Variants in SYNE2 observed in about 807,000 individuals in gnomAD.
The protein encoded by SYNE2 is nesprin-2.
In SYNE2, 431 loss-of-function variants were observed where a neutral mutation model predicts 856.3. That is an observed-to-expected ratio of 0.50 (90% CI 0.47 to 0.55). The LOEUF is 0.55. Ranked by LOEUF, SYNE2 falls within the 20% of genes least tolerant of loss-of-function variation. The pLI is 0.00. For missense variants in SYNE2, 8,129 were observed against 8,023.2 expected (o/e 1.01, Z -0.50); for synonymous variants, 2,923 against 2,872.3 (o/e 1.02, Z -0.56).
intron 1 of SYNE2, among the ~76,000 whole-genome samples, chr14:63,779,173 A>G (rs1887217707): frequency 6.6e-6 from 1 of 151,738 alleles, no homozygotes; most frequent in African/African-American, 2.4e-5. Context: ...TACAAAAAAA[A>G]AAATAGCCTG....
chr14:63,941,963 G>GT lies in SYNE2; in HGVS notation c.315+2dup. Reference sequence around the variant, plus strand: ...CTTGACATTCCTAAGAAACCGATCAGTAAGTATAAATTTTTCTTAAAAATT... The same window carrying GT: ...CTTGACATTCCTAAGAAACCGATCAGTTAAGTATAAATTTTTCTTAAAAATT... On this transcript the variant is annotated splice_donor_variant, in intron 5 of 115. Transcript: ENST00000555002. LOFTEE classifies it high-confidence loss of function. The GT allele has an allele frequency of 6.2e-7, 1 of 1,611,688 alleles. No homozygotes were observed. The highest frequency in any genetic ancestry group is 8.5e-7 in the Non-Finnish European group (1 of 1,178,892).
At chr14:63,914,999 A>G (rs1019609692) in intron 2 of SYNE2, among the ~76,000 whole-genome samples, 1 of 152,166 alleles carries the variant, frequency 6.6e-6, no homozygotes, top group African/African-American at 2.4e-5. Flanking sequence ...GCTTGTCTCA[A>G]AACTCCTGGG....
At chr14:64,047,890 G>A in intron 45 of SYNE2, 110 bp from the exon 46 acceptor site, 1 of 1,198,586 alleles carries the variant, frequency 8.3e-7, no homozygotes, top group Non-Finnish European at 1.2e-6. Flanking sequence ...TACTTTTTAA[G>A]TCTATAATCC....
In SYNE2 at chr14:63,966,381, G is replaced by A. The variant is rs117879951; in HGVS notation, c.991-1328G>A. ...AATACAAAAAAAAAAAAATTAGCTGGACGTGGTGGTGCACTCCTGTAGTGC... is the reference window on the plus strand; with the variant it reads ...AATACAAAAAAAAAAAAATTAGCTGAACGTGGTGGTGCACTCCTGTAGTGC... On this transcript the variant is annotated intron_variant, in intron 10 of 115. Coordinates refer to ENST00000555002, the MANE Select transcript of SYNE2 (RefSeq NM_182914.3). Among the ~76,000 whole-genome samples the A allele has an allele frequency of 1.2e-3, 186 of 151,904 alleles. 2 individuals are homozygous for A. The East Asian group carries it at 0.03, about 25-fold the overall frequency.
At chr14:64,003,719 A>G (rs1446030859) in intron 30 of SYNE2, among the ~76,000 whole-genome samples, 2 of 152,136 alleles carry the variant, frequency 1.3e-5, no homozygotes. Flanking sequence ...GAAGATGCAT[A>G]TGCCACATCT....
At chr14:63,893,040 TAG>T (rs1011210198) in intron 1 of SYNE2, among the ~76,000 whole-genome samples, 1 of 152,142 alleles carries the variant, frequency 6.6e-6, no homozygotes, top group African/African-American at 2.4e-5. Context: ...ACACAGTTAC[TAG>T]AGTTAGACCT....
intron 67 of SYNE2, among the ~76,000 whole-genome samples, chr14:64,120,166 G>GT (rs35522157): frequency 0.013 from 2,001 of 152,202 alleles, 16 homozygotes; most frequent in Non-Finnish European, 0.022. Context: ...CTTATGAGTG[G>GT]TTCCTACTTA....
rs2097236354 is a variant in SYNE2 at position 64,052,685 on chromosome 14, C to T, written c.8772C>T (p.Thr2924=). 6.2e-7 allele frequency: 1 copy of T among 1,613,476 alleles called. No homozygotes were observed. Among genetic ancestry groups the T allele is most frequent in the Admixed American group, 1.7e-5 (1 of 59,904 alleles). Residue 2924 remains threonine, a synonymous_variant, in exon 48 of 116, where the codon ACC becomes ACT. Coordinates refer to ENST00000555002, the MANE Select transcript of SYNE2 (RefSeq NM_182914.3). ...AGTTGAAAAATCTTAAGATTAGGACCAACAGAATACAAAGATTCATTCAGA... is the reference window on the plus strand; with the variant it reads ...AGTTGAAAAATCTTAAGATTAGGACTAACAGAATACAAAGATTCATTCAGA... The part of the protein sequence containing the change: ...EDQLKNLKIR[T]NRIQRFIQNT...
intron 52 of SYNE2, 22 bp from the exon 53 acceptor site, chr14:64,073,946 A>T: frequency 6.2e-7 from 1 of 1,611,754 alleles, no homozygotes; most frequent in South Asian, 1.1e-5. Context: ...AGAAACAATT[A>T]TATTTTGACG....
intron 85 of SYNE2, among the ~76,000 whole-genome samples, chr14:64,154,644 A>T (rs1206054211): frequency 1.3e-5 from 2 of 152,008 alleles, no homozygotes; most frequent in East Asian, 3.9e-4. Flanking sequence ...AATAGAAAAA[A>T]TTAGCTGGGT....
At chr14:63,854,163 C>CT (rs35131482) in intron 1 of SYNE2, among the ~76,000 whole-genome samples, 79,862 of 139,166 alleles carry the variant, frequency 0.57, 23,286 homozygotes, top group South Asian at 0.69. Context: ...CTTGGCATCA[C>CT]TTTTTTTTTT....
At chr14:63,871,419 G>T (rs551577599) in intron 1 of SYNE2, among the ~76,000 whole-genome samples, 1 of 151,884 alleles carries the variant, frequency 6.6e-6, no homozygotes, top group African/African-American at 2.4e-5. Flanking sequence ...TGTTGGTCAG[G>T]CTGGTCTCGA....
chr14:64,108,924 G>A (rs912256701), intron 65 of SYNE2, among the ~76,000 whole-genome samples: 1 of 151,966 alleles, frequency 6.6e-6, no homozygotes, highest in Non-Finnish European at 1.5e-5. Flanking sequence ...ACCCAGGCTG[G>A]AGTGCAGTGG....
At chr14:64,166,999 A>G (rs1319010016) in intron 90 of SYNE2, 15 of 567,448 alleles carry the variant, frequency 2.6e-5, no homozygotes, top group Non-Finnish European at 3.8e-5. Flanking sequence ...ATAACTTTCT[A>G]TTTCCTGGGC....
intron 96 of SYNE2, among the ~76,000 whole-genome samples, chr14:64,185,263 TAAA>T (rs1198546325): frequency 6.6e-6 from 1 of 151,494 alleles, no homozygotes; most frequent in Non-Finnish European, 1.5e-5. Flanking sequence ...CCCTGTCTCT[TAAA>T]AAAAAAATAA....
rs1257764161 is a variant in SYNE2 at position 64,209,592 on chromosome 14, C to T, written c.18540+14C>T. 6.2e-7 allele frequency: 1 copy of T among 1,613,650 alleles called. No homozygotes were observed. The highest frequency in any genetic ancestry group is 2.2e-5 in the East Asian group (1 of 44,882). ...AAGAGGTTTGAGGTAAACACCTTCT[C>T]CATCCCGGTCTCCTGATCATAACCA... On this transcript the variant is annotated intron_variant, in intron 102 of 115. Coordinates refer to ENST00000555002, the MANE Select transcript of SYNE2 (RefSeq NM_182914.3).
intron 1 of SYNE2, among the ~76,000 whole-genome samples, chr14:63,880,604 A>G (rs1206095563): frequency 2.0e-5 from 3 of 150,700 alleles, no homozygotes; most frequent in Non-Finnish European, 3.0e-5. Context: ...TTACATTCCT[A>G]TTGAATATCA....
intron 96 of SYNE2, among the ~76,000 whole-genome samples, chr14:64,184,270 C>T (rs372014402): frequency 6.6e-6 from 1 of 151,664 alleles, no homozygotes; most frequent in East Asian, 1.9e-4. Flanking sequence ...TTGTCATGGT[C>T]CCTGCCATGT....
rs1243371319 is a variant in SYNE2, at chr14:64,102,025, T to C, written c.12475T>C (p.Ser4159Pro). Residue 4159 changes from serine to proline, a missense_variant, in exon 64 of 116, where the codon TCT becomes CCT. Physicochemically the swap from Ser to Pro is moderately conservative, Grantham distance 74. Transcript: ENST00000555002. ...GGAAGAAGACAGAGCTTCCTCATCC[T>C]CTGGAACAATTGTTCAGGTAATGCT... Reference protein sequence around the residue: ...DMEEDRASSSSGTIVQEAYGK... With the variant: ...DMEEDRASSSPGTIVQEAYGK... 6.2e-7 allele frequency: 1 copy of C among 1,613,580 alleles called. No individual in the cohort carries two copies. Among genetic ancestry groups the C allele is most frequent in the Admixed American group, 1.7e-5 (1 of 60,016 alleles).
Sources: gnomAD v4.1 joint callset for allele counts (sites outside exome capture counted in the v4.1 genomes callset) on GRCh38, gnomAD v4.1.1 for gene constraint, MANE v1.5 for transcripts, NCBI Gene and HGNC (gene_info 2026-07-23, HGNC 2026-07-21) for gene names.